The following CD55 variants were observed in gnomAD, a reference collection of about 807,000 sequenced individuals.
CD55 encodes the protein complement decay-accelerating factor.
In CD55, 41 loss-of-function variants were observed where a neutral mutation model predicts 45.8. That is an observed-to-expected ratio of 0.90 (90% confidence interval 0.70 to 1.16). CD55 has a LOEUF of 1.16. Ranked by LOEUF, CD55 falls within the 50% of genes most tolerant of loss-of-function variation. CD55 has a pLI of 0.00. For missense variants in CD55, 416 were observed against 469.8 expected (o/e 0.89, Z 1.06); for synonymous variants, 181 against 181.1 (o/e 1.00, Z 0.01).
chr1:207,351,287 G>C (rs1655857695), intron 9 of CD55, among the ~76,000 whole-genome samples: 2 of 152,168 alleles, frequency 1.3e-5, no homozygotes, highest in South Asian at 4.1e-4. Context: ...TAGAGTATGT[G>C]CTATGTGCAG....
At chr1:207,337,256 T>G (rs1046772899) in intron 7 of CD55, 73 bp from the exon 8 acceptor site, 9 of 964,088 alleles carry the variant, frequency 9.3e-6, no homozygotes, top group Non-Finnish European at 1.5e-5. Flanking sequence ...AGCACGTAAG[T>G]CCACTAATGT....
chr1:207,326,912 G>T (rs1389705725), intron 5 of CD55, 75 bp downstream of exon 5: 6 of 1,049,324 alleles, frequency 5.7e-6, no homozygotes, highest in Non-Finnish European at 8.8e-6. Context: ...TGCCCCTTAA[G>T]AATATTAGCA....
At chr1:207,339,112 T>C (rs528581736) in intron 8 of CD55, among the ~76,000 whole-genome samples, 3 of 152,308 alleles carry the variant, frequency 2.0e-5, no homozygotes, top group African/African-American at 7.2e-5. Context: ...TCAAGTCCTA[T>C]AACCAAATTT....
At chr1:207,327,586 A>C (rs1292659560) in intron 5 of CD55, among the ~76,000 whole-genome samples, 2 of 152,230 alleles carry the variant, frequency 1.3e-5, no homozygotes, top group Non-Finnish European at 2.9e-5. Flanking sequence ...CTTTCTTTCC[A>C]TCCTTCTCTC....
intron 3 of CD55, among the ~76,000 whole-genome samples, chr1:207,325,014 A>G (rs553713106): frequency 2.6e-5 from 4 of 152,276 alleles, no homozygotes; most frequent in Non-Finnish European, 5.9e-5. Context: ...CTTTTTCAAA[A>G]CTTATTATAA....
At chr1:207,338,442 A>C (rs1572886842) in intron 8 of CD55, among the ~76,000 whole-genome samples, 1 of 152,172 alleles carries the variant, frequency 6.6e-6, no homozygotes, top group East Asian at 1.9e-4. Flanking sequence ...AGGCAAAGAG[A>C]AATAAGCATC....
At chr1:207,351,405 T>A (rs1287669597) in intron 9 of CD55, among the ~76,000 whole-genome samples, 1 of 152,188 alleles carries the variant, frequency 6.6e-6, no homozygotes, top group African/African-American at 2.4e-5. Context: ...TTTGTTAGTT[T>A]TCTGCCTTGA....
chr1:207,345,937 C>T (rs1376020440), intron 9 of CD55, among the ~76,000 whole-genome samples: 4 of 152,186 alleles, frequency 2.6e-5, no homozygotes, highest in South Asian at 2.1e-4. Context: ...GGCCAATGTT[C>T]GGACCCAAGT....
At chr1:207,323,644 T>C (rs28371598) in intron 2 of CD55, among the ~76,000 whole-genome samples, 1,685 of 152,294 alleles carry the variant, frequency 0.011, 40 homozygotes, top group African/African-American at 0.039. Context: ...CTTAAATCAA[T>C]AGAAGCTACT....
In CD55 at chr1:207,356,274, C is replaced by T. The variant is rs183176869; in HGVS notation, c.1082-3272C>T. ...AGTTTATTTCCAGTAAAATTTGGTA[C>T]TGTATCAGTAGATGACTCTCTTAGC... On this transcript the variant is annotated intron_variant, in intron 9 of 9. Coordinates refer to ENST00000367064, the MANE Select transcript of CD55 (RefSeq NM_000574.5). Among the ~76,000 whole-genome samples the T allele has an allele frequency of 8.8e-4, 134 of 152,228 alleles. 2 individuals are homozygous for T. Among genetic ancestry groups the T allele is most frequent in the Admixed American group, 8.0e-3 (122 of 15,298 alleles).
At chr1:207,340,376 T>A (rs1185379919) in intron 9 of CD55, 1 of 448,628 alleles carries the variant, frequency 2.2e-6, no homozygotes, top group Non-Finnish European at 3.9e-6. Flanking sequence ...TATTTTTATT[T>A]TTTTTTTGAG....
intron 9 of CD55, among the ~76,000 whole-genome samples, chr1:207,354,458 A>T (rs1416765690): frequency 6.6e-6 from 1 of 152,214 alleles, no homozygotes; most frequent in Non-Finnish European, 1.5e-5. Flanking sequence ...CAACACTGCA[A>T]TACAGTTCTA....
intron 5 of CD55, among the ~76,000 whole-genome samples, chr1:207,328,027 T>A (rs1654765147): frequency 6.6e-6 from 1 of 152,222 alleles, no homozygotes; most frequent in Non-Finnish European, 1.5e-5. Context: ...CCAGGCAACA[T>A]GTCACAAAGT....
At chr1:207,329,812 A>G (rs1654859350) in intron 5 of CD55, among the ~76,000 whole-genome samples, 2 of 151,714 alleles carry the variant, frequency 1.3e-5, no homozygotes. Flanking sequence ...GGGCTTCCTC[A>G]TGTTGTCCAG....
chr1:207,338,329 A>G (rs1361153206), intron 8 of CD55, among the ~76,000 whole-genome samples: 24 of 152,252 alleles, frequency 1.6e-4, no homozygotes, highest in East Asian at 5.8e-4. Flanking sequence ...GATTTACTAT[A>G]CTAATTTTAA....
intron 9 of CD55, chr1:207,350,042 A>G (rs921060496): frequency 2.2e-6 from 1 of 449,872 alleles, no homozygotes; most frequent in Non-Finnish European, 4.5e-6. Context: ...TTTGATGCCT[A>G]GTTTGTTGAT....
chr1:207,340,094 G>C (rs943000122), intron 9 of CD55, among the ~76,000 whole-genome samples: 1 of 151,860 alleles, frequency 6.6e-6, no homozygotes, highest in African/African-American at 2.4e-5. Flanking sequence ...TATACCCATC[G>C]GCCAAAGTCT....
intron 6 of CD55, among the ~76,000 whole-genome samples, chr1:207,335,605 A>T (rs7512422): frequency 0.69 from 105,210 of 152,024 alleles, 36,879 homozygotes; most frequent in Middle Eastern, 0.83. Flanking sequence ...AAAAGTTCAT[A>T]AAAAAACTTT....
intron 9 of CD55, among the ~76,000 whole-genome samples, chr1:207,342,390 G>A (rs946359127): frequency 1.3e-5 from 2 of 152,114 alleles, no homozygotes; most frequent in Non-Finnish European, 2.9e-5. Context: ...GTTCTTAGAA[G>A]AAAGGCTTTC....
Sources: allele counts gnomAD v4.1 joint callset (sites outside exome capture counted in the v4.1 genomes callset), GRCh38; gene constraint gnomAD v4.1.1; transcripts MANE v1.5; gene names NCBI Gene and HGNC (gene_info 2026-07-23, HGNC 2026-07-21).